The following DTWD2 variants were observed in gnomAD, a reference collection of about 807,000 sequenced individuals.
The protein encoded by DTWD2 is DTW motif tRNA-uridine aminocarboxypropyltransferase 2, also known as tRNA-uridine aminocarboxypropyltransferase 2.
DTWD2 carries 39 observed loss-of-function variants against 31.8 expected under a neutral mutation model. The ratio of observed to expected loss-of-function variants is 1.22; its 90% CI spans 0.95 to 1.60. The LOEUF (loss-of-function observed/expected upper bound fraction) is 1.60. Among genes scored for constraint, DTWD2 ranks in the 40% most tolerant of loss-of-function variants. The pLI is 0.00. For synonymous variants in DTWD2, 180 were observed against 142.8 expected (o/e 1.26, Z -1.86); for missense variants, 515 against 381.5 (o/e 1.35, Z -2.92).
chr5:118,987,035 CTATA>C (rs1323755918), intron 1 of DTWD2, among the ~76,000 whole-genome samples: 1 of 151,954 alleles, frequency 6.6e-6, no homozygotes, highest in Non-Finnish European at 1.5e-5. Flanking sequence ...AGATTTTTAC[CTATA>C]TATTTATAAT....
In DTWD2 at chr5:118,838,158, T is replaced by G. The variant is rs1034532268; in HGVS notation, c.*2759A>C. 21 of 152,198 alleles carry G rather than the reference T, an allele frequency of 1.4e-4. No individual in the cohort carries two copies. Among genetic ancestry groups the G allele is most frequent in the Admixed American group, 1.2e-3 (19 of 15,278 alleles). The allele number at this position is 152,198 out of a possible 1,614,324, so 9.4% of individuals were successfully genotyped here. ...TTTGTATAATCTAGTTCTCAACCTTTTACACTCATGTGTGCAAGAAACTCT... is the reference window on the plus strand; with the variant it reads ...TTTGTATAATCTAGTTCTCAACCTTGTACACTCATGTGTGCAAGAAACTCT... On this transcript the variant is annotated 3_prime_UTR_variant, in exon 6 of 6. Coordinates refer to ENST00000510708, the MANE Select transcript of DTWD2 (RefSeq NM_173666.4).
At position 118,840,655 on chromosome 5, in the gene DTWD2, T is replaced by A. The variant is rs1386913516; in HGVS notation, c.*262A>T. On this transcript the variant is annotated 3_prime_UTR_variant, in exon 6 of 6. Transcript: ENST00000510708. ...TAACCTATCACAACAACAAATCATATTTTAAATTTGGGTTTGAAAACATGT... is the reference window on the plus strand; with the variant it reads ...TAACCTATCACAACAACAAATCATAATTTAAATTTGGGTTTGAAAACATGT... 4.0e-6 allele frequency: 1 copy of A among 251,002 alleles called. No individual in the cohort carries two copies. The highest frequency in any genetic ancestry group is 2.3e-5 in the African/African-American group (1 of 43,786). The allele number at this position is 251,002 out of a possible 1,614,324, so 15.5% of individuals were successfully genotyped here.
intron 4 of DTWD2, among the ~76,000 whole-genome samples, chr5:118,861,949 T>C (rs942992983): frequency 6.6e-6 from 1 of 151,848 alleles, no homozygotes; most frequent in Non-Finnish European, 1.5e-5. Flanking sequence ...GTAACAACAG[T>C]AAAGGGGCTA....
At chr5:118,937,795 T>C (rs1754077976) in intron 3 of DTWD2, among the ~76,000 whole-genome samples, 3 of 151,554 alleles carry the variant, frequency 2.0e-5, no homozygotes, top group Admixed American at 1.3e-4. Flanking sequence ...TTTCCAGACT[T>C]CCCTTTGGCC....
chr5:118,888,652 G>C (rs1435299218), intron 4 of DTWD2, among the ~76,000 whole-genome samples: 1 of 152,132 alleles, frequency 6.6e-6, no homozygotes, highest in Non-Finnish European at 1.5e-5. Flanking sequence ...CATGTTACCT[G>C]CATATTTAAC....
At chr5:118,973,648 CTTG>C in intron 1 of DTWD2, 1 of 789,956 alleles carries the variant, frequency 1.3e-6, no homozygotes, top group Middle Eastern at 3.5e-4. Flanking sequence ...CGGCAGCCTC[CTTG>C]CTCGCGGCAG....
At chr5:118,843,042 C>T (rs535541961) in intron 5 of DTWD2, among the ~76,000 whole-genome samples, 23 of 150,732 alleles carry the variant, frequency 1.5e-4, no homozygotes, top group Non-Finnish European at 2.8e-4. Context: ...CTGCAACCTC[C>T]GCCTCCTGGG....
intron 1 of DTWD2, among the ~76,000 whole-genome samples, chr5:118,977,665 C>T (rs984095309): frequency 5.3e-5 from 8 of 152,136 alleles, no homozygotes; most frequent in Non-Finnish European, 1.0e-4. Flanking sequence ...GAACTACAAA[C>T]CACTGCTCAA....
intron 4 of DTWD2, among the ~76,000 whole-genome samples, chr5:118,913,430 T>TAG (rs1421167029): frequency 2.3e-5 from 3 of 131,112 alleles, no homozygotes; most frequent in African/African-American, 8.2e-5. Flanking sequence ...GATATATATA[T>TAG]ATACACACAC....
intron 4 of DTWD2, among the ~76,000 whole-genome samples, chr5:118,907,350 G>C (rs111930702): frequency 8.5e-5 from 13 of 152,078 alleles, no homozygotes; most frequent in Non-Finnish European, 1.9e-4. Context: ...TATATATAGA[G>C]AGAGAGAGAA....
intron 4 of DTWD2, among the ~76,000 whole-genome samples, chr5:118,925,166 G>T (rs1246247894): frequency 6.6e-6 from 1 of 152,076 alleles, no homozygotes; most frequent in African/African-American, 2.4e-5. Flanking sequence ...CAACAGAGCA[G>T]ATAACACAAA....
At chr5:118,865,025 A>G (rs1752352392) in intron 4 of DTWD2, among the ~76,000 whole-genome samples, 1 of 152,126 alleles carries the variant, frequency 6.6e-6, no homozygotes, top group Non-Finnish European at 1.5e-5. Flanking sequence ...TTAAACACAC[A>G]CACACAAACA....
At chr5:118,967,374 T>A (rs1029807557) in intron 1 of DTWD2, among the ~76,000 whole-genome samples, 1 of 152,174 alleles carries the variant, frequency 6.6e-6, no homozygotes, top group African/African-American at 2.4e-5. Context: ...AACATCTCAG[T>A]AGCAATAAGC....
At chr5:118,917,696 G>T (rs561624281) in intron 4 of DTWD2, among the ~76,000 whole-genome samples, 7 of 152,318 alleles carry the variant, frequency 4.6e-5, no homozygotes, top group Non-Finnish European at 7.3e-5. Context: ...AATTGGCCGG[G>T]CACAGTGGCT....
At chr5:118,907,053 G>GA (rs1452506436) in intron 4 of DTWD2, among the ~76,000 whole-genome samples, 2 of 152,104 alleles carry the variant, frequency 1.3e-5, no homozygotes, top group Non-Finnish European at 2.9e-5. Context: ...TCTTCACCTG[G>GA]AAATTTTCCT....
chr5:118,905,765 A>C (rs1031042679), intron 4 of DTWD2, among the ~76,000 whole-genome samples: 96 of 152,258 alleles, frequency 6.3e-4, no homozygotes, highest in African/African-American at 2.2e-3. Flanking sequence ...AGGCTTTAAA[A>C]TTTTATCTCT....
At position 118,844,636 on chromosome 5, in the gene DTWD2, T is replaced by G. The variant is rs138063007; in HGVS notation, c.726+3454A>C. On this transcript the variant is annotated intron_variant, in intron 5 of 5. Transcript: ENST00000510708. Reference sequence around the variant, plus strand: ...CAAAAAATTATGTGGTCTGCCCACTTGCAAAAAGTGATGATAATAAGTTGT... The same window carrying G: ...CAAAAAATTATGTGGTCTGCCCACTGGCAAAAAGTGATGATAATAAGTTGT... 2.9e-3 allele frequency among the ~76,000 whole-genome samples: 446 copies of G among 152,306 alleles called. 1 individual carries two copies. Among genetic ancestry groups the G allele is most frequent in the African/African-American group, 9.9e-3 (410 of 41,572 alleles).
intron 1 of DTWD2, among the ~76,000 whole-genome samples, chr5:118,966,841 C>G (rs952347650): frequency 3.3e-5 from 5 of 151,996 alleles, no homozygotes; most frequent in Non-Finnish European, 5.9e-5. Context: ...AACAGCCTGA[C>G]CAATGTGGTG....
chr5:118,952,375 A>T (rs147658829), intron 1 of DTWD2, among the ~76,000 whole-genome samples: 2 of 152,196 alleles, frequency 1.3e-5, no homozygotes, highest in African/African-American at 4.8e-5. Flanking sequence ...GCTGAGTCCA[A>T]AAAGAGTCAG....
Sources: gnomAD v4.1 joint callset for allele counts (sites outside exome capture counted in the v4.1 genomes callset) on GRCh38, gnomAD v4.1.1 for gene constraint, MANE v1.5 for transcripts, NCBI Gene and HGNC (gene_info 2026-07-23, HGNC 2026-07-21) for gene names.